SYNPR: variants seen among roughly 807,000 people sequenced by gnomAD.
The protein encoded by SYNPR is synaptoporin.
A neutral mutation model predicts 32.9 loss-of-function variants in SYNPR; 23 were observed. That is an observed-to-expected ratio of 0.70 (90% CI 0.50 to 0.99). SYNPR has a LOEUF of 0.99. Ranked by LOEUF, SYNPR falls within the 50% of genes least tolerant of loss-of-function variation. SYNPR has a pLI of 0.00. For missense variants in SYNPR, 318 were observed against 349.3 expected (o/e 0.91, Z 0.71); for synonymous variants, 146 against 135.9 (o/e 1.07, Z -0.52).
chr3:63,447,025 T>TA (rs11406044), intron 2 of SYNPR, among the ~76,000 whole-genome samples: 2,368 of 151,454 alleles, frequency 0.016, 31 homozygotes, highest in African/African-American at 0.019. Context: ...CTCTTGTTCT[T>TA]AAAAAAAAAG....
chr3:63,480,290 C>A (rs1387102012), intron 2 of SYNPR, among the ~76,000 whole-genome samples: 2 of 152,214 alleles, frequency 1.3e-5, no homozygotes, highest in Non-Finnish European at 2.9e-5. Flanking sequence ...ATACTGAGAT[C>A]TTGTGCTCTA....
chr3:63,367,559 T>G (rs1388136485), intron 2 of SYNPR, among the ~76,000 whole-genome samples: 1 of 152,064 alleles, frequency 6.6e-6, no homozygotes, highest in African/African-American at 2.4e-5. Context: ...TTTTACCATG[T>G]TGCCCAGCCT....
intron 3 of SYNPR, among the ~76,000 whole-genome samples, chr3:63,512,918 G>T (rs1018498537): frequency 2.0e-5 from 3 of 152,058 alleles, no homozygotes; most frequent in African/African-American, 7.2e-5. Context: ...AATTTTAAAA[G>T]TCCTTGGAAA....
intron 2 of SYNPR, among the ~76,000 whole-genome samples, chr3:63,456,399 G>A (rs903097344): frequency 2.0e-5 from 3 of 152,110 alleles, no homozygotes; most frequent in African/African-American, 4.8e-5. Context: ...CTTGCTGGGT[G>A]AAGAGTAAAT....
chr3:63,469,042 A>T (rs1700744471), intron 2 of SYNPR, among the ~76,000 whole-genome samples: 1 of 152,116 alleles, frequency 6.6e-6, no homozygotes, highest in African/African-American at 2.4e-5. Context: ...AAATTGCTCT[A>T]TGGATACAAA....
At chr3:63,229,077 T>C (rs1387599180) in intron 1 of SYNPR, among the ~76,000 whole-genome samples, 2 of 152,214 alleles carry the variant, frequency 1.3e-5, no homozygotes, top group South Asian at 2.1e-4. Context: ...CAAGGTAGCA[T>C]AGTAGAAATA....
Position 63,419,673 on chromosome 3 carries a change from C to T in SYNPR, c.85-61159C>T, listed in dbSNP as rs1319002178. On this transcript the variant is annotated intron_variant, in intron 2 of 5. Coordinates refer to ENST00000478300, the MANE Select transcript of SYNPR (RefSeq NM_001130003.2). ...CCACATTTCCCAATTGCAATATGAT[C>T]AGGAGCTGAGTAGCAGTTGCCCCAT... Among the ~76,000 whole-genome samples, 5 of 152,130 alleles carry T rather than the reference C, an allele frequency of 3.3e-5. No individual in the cohort carries two copies. In the East Asian group the frequency reaches 9.6e-4, roughly 29 times the overall value.
chr3:63,278,359 A>C lies in SYNPR; in HGVS notation c.-175A>C. On this transcript the variant is annotated 5_prime_UTR_variant, in exon 1 of 6. Transcript: ENST00000478300. Reference sequence around the variant, plus strand: ...CCGACGCGCTGGGTTCCCGGAGCGCAGAGCCCAGCGTTAGCGGGTGGGCTC... The same window carrying C: ...CCGACGCGCTGGGTTCCCGGAGCGCCGAGCCCAGCGTTAGCGGGTGGGCTC... 1.3e-6 allele frequency: 1 copy of C among 761,538 alleles called. No homozygotes were observed. Among genetic ancestry groups the C allele is most frequent in the Admixed American group, 3.1e-5 (1 of 32,400 alleles). 47.2% of individuals were successfully genotyped at this position (761,538 alleles called of 1,614,324 possible).
chr3:63,232,268 C>T (rs1355872317), intron 1 of SYNPR, among the ~76,000 whole-genome samples: 1 of 117,858 alleles, frequency 8.5e-6, no homozygotes, highest in Non-Finnish European at 1.6e-5. Flanking sequence ...ATGGCGTGAT[C>T]TTGGCTCACT....
chr3:63,448,105 G>T (rs1362437475), intron 2 of SYNPR, among the ~76,000 whole-genome samples: 1 of 152,182 alleles, frequency 6.6e-6, no homozygotes, highest in African/African-American at 2.4e-5. Context: ...CCGGGTTCAA[G>T]TGATTGTCCT....
At chr3:63,522,091 C>A (rs879312498) in intron 3 of SYNPR, among the ~76,000 whole-genome samples, 3 of 152,192 alleles carry the variant, frequency 2.0e-5, no homozygotes, top group Non-Finnish European at 4.4e-5. Context: ...TTAAGAATAA[C>A]AATTGTACAT....
At chr3:63,209,200 C>A in the SYNPR span, among the ~76,000 whole-genome samples, 1 of 151,744 alleles carries the variant, frequency 6.6e-6, no homozygotes, top group Non-Finnish European at 1.5e-5. Context: ...CGCCTGTAGT[C>A]CCAGCTGCTC....
Position 63,432,999 on chromosome 3 carries a change from G to A in SYNPR, c.85-47833G>A, listed in dbSNP as rs1404637540. Among the ~76,000 whole-genome samples, 7 of 152,194 alleles carry A rather than the reference G, an allele frequency of 4.6e-5. 1 individual carries two copies. The highest frequency in any genetic ancestry group is 3.8e-4 in the East Asian group (2 of 5,198). On this transcript the variant is annotated intron_variant, in intron 2 of 5. Transcript: ENST00000478300. Reference sequence around the variant, plus strand: ...TCAGGGTTTGGAACTGATAATCCACGTTCTTTTATAAGCTGCTCGGGTGAT... The same window carrying A: ...TCAGGGTTTGGAACTGATAATCCACATTCTTTTATAAGCTGCTCGGGTGAT...
chr3:63,338,176 G>T (rs2087318621), intron 2 of SYNPR, among the ~76,000 whole-genome samples: 3 of 152,136 alleles, frequency 2.0e-5, no homozygotes, highest in Admixed American at 6.6e-5. Flanking sequence ...GTCTAAAACT[G>T]CTCTAATAAA....
At chr3:63,539,845 A>G (rs952836297) in intron 3 of SYNPR, among the ~76,000 whole-genome samples, 1 of 152,122 alleles carries the variant, frequency 6.6e-6, no homozygotes, top group African/African-American at 2.4e-5. Flanking sequence ...AACACACCCA[A>G]GAATCCCCGG....
In SYNPR at chr3:63,329,580, G is replaced by A. The variant is rs548912702; in HGVS notation, c.84+50838G>A. On this transcript the variant is annotated intron_variant, in intron 2 of 5. Transcript: ENST00000478300. ...ATACATTTCTTGAGGAGAGGACTAT[G>A]CTCTCTGATGACTAGTAATGTTGGC... is the stretch of plus-strand genomic sequence containing the variant. 1.3e-3 allele frequency among the ~76,000 whole-genome samples: 198 copies of A among 152,294 alleles called. 1 individual carries two copies. Among genetic ancestry groups the A allele is most frequent in the Middle Eastern group, 0.01 (3 of 294 alleles).
chr3:63,220,857 G>C, the SYNPR span, among the ~76,000 whole-genome samples: 29 of 152,170 alleles, frequency 1.9e-4, no homozygotes, highest in Non-Finnish European at 2.9e-4. Context: ...GCTGGTTGCT[G>C]TTCCTTCAAC....
chr3:63,509,278 ATATG>A (rs1701648078), intron 3 of SYNPR, among the ~76,000 whole-genome samples: 1 of 84,936 alleles, frequency 1.2e-5, no homozygotes, highest in Non-Finnish European at 2.2e-5. Flanking sequence ...AAAGTTATAT[ATATG>A]TGTGTGTATA....
At chr3:63,560,998 T>A (rs1426320598) in intron 4 of SYNPR, among the ~76,000 whole-genome samples, 1 of 152,136 alleles carries the variant, frequency 6.6e-6, no homozygotes, top group Non-Finnish European at 1.5e-5. Flanking sequence ...ACACACACTT[T>A]AAAAAAAATT....
Sources: gnomAD v4.1 joint callset for allele counts (sites outside exome capture counted in the v4.1 genomes callset) on GRCh38, gnomAD v4.1.1 for gene constraint, MANE v1.5 for transcripts, NCBI Gene and HGNC (gene_info 2026-07-23, HGNC 2026-07-21) for gene names.